The following PRDM14 variants were observed in gnomAD, a reference collection of about 807,000 sequenced individuals.
PRDM14 encodes the protein PR/SET domain 14.
PRDM14 carries 16 observed loss-of-function variants against 48.0 expected under a neutral mutation model. The observed-to-expected ratio is 0.33, with a 90% CI of 0.23 to 0.51. PRDM14 has a LOEUF of 0.51. PRDM14 is among the 20% of genes least tolerant of loss of function. PRDM14 has a pLI of 0.97. For synonymous variants in PRDM14, 264 were observed against 276.6 expected, an observed-to-expected ratio of 0.95 and a Z score of 0.45; for missense variants, 566 against 719.6, an observed-to-expected ratio of 0.79 and a Z score of 2.44.
At chr8:70,054,596 T>G (rs1585646780) in intron 7 of PRDM14, among the ~76,000 whole-genome samples, 2 of 149,758 alleles carry the variant, frequency 1.3e-5, no homozygotes, top group East Asian at 4.0e-4. Flanking sequence ...CTTGACTCAC[T>G]GCAACCTCTG....
rs1805393014 is a variant in PRDM14 at position 70,051,999 on chromosome 8, C to T, written c.*78G>A. On this transcript the variant is annotated 3_prime_UTR_variant, in exon 8 of 8. Coordinates refer to ENST00000276594, the MANE Select transcript of PRDM14 (RefSeq NM_024504.4). ...ATGTTGCCCAGGCTGGTCTCGAACTCCTGGACTTGAGTGATCCACCCACCT... is the reference window on the plus strand; with the variant it reads ...ATGTTGCCCAGGCTGGTCTCGAACTTCTGGACTTGAGTGATCCACCCACCT... The T allele has an allele frequency of 4.0e-6, 4 of 1,007,450 alleles. No individual in the cohort carries two copies. The highest frequency in any genetic ancestry group is 6.0e-6 in the Non-Finnish European group (4 of 669,982). 62.4% of individuals were successfully genotyped at this position (1,007,450 alleles called of 1,614,324 possible).
At chr8:70,053,525 G>A (rs1157388073) in intron 7 of PRDM14, among the ~76,000 whole-genome samples, 1 of 152,046 alleles carries the variant, frequency 6.6e-6, no homozygotes, top group African/African-American at 2.4e-5. Context: ...CAAGTAGCTG[G>A]AATTACAGGT....
intron 5 of PRDM14, among the ~76,000 whole-genome samples, chr8:70,061,350 ATCT>A (rs1229855424): frequency 6.6e-6 from 1 of 152,182 alleles, no homozygotes; most frequent in African/African-American, 2.4e-5. Flanking sequence ...GCAGATAGAA[ATCT>A]TCTCAGCATC....
chr8:70,066,367 C>G lies in PRDM14; in HGVS notation c.1051G>C (p.Glu351Gln). ...AVQCQGHIFY[E>Q]SCKEIHQNQE... The stretch of plus-strand genomic sequence containing the variant: ...TTCTGATGGATCTCTTTGCAGCTCT[C>G]ATAAAATATATGCCCTTGACACTGC... The change falls in exon 5 of 8, where the codon GAG becomes CAG. Residue 351 changes from glutamate to glutamine, a missense_variant. Glu to Gln is a conservative substitution (Grantham distance 29). Coordinates refer to ENST00000276594, the MANE Select transcript of PRDM14 (RefSeq NM_024504.4). 1 of 1,614,226 alleles carries G rather than the reference C, an allele frequency of 6.2e-7. No homozygotes were observed. Among genetic ancestry groups the G allele is most frequent in the Non-Finnish European group, 8.5e-7 (1 of 1,180,052 alleles).
rs2131043220 is a variant in PRDM14, at chr8:70,068,510, A to G, written c.723T>C (p.Thr241=). The change falls in exon 3 of 8, where the codon ACT becomes ACC. Residue 241 remains threonine (T), a synonymous_variant. Coordinates refer to ENST00000276594, the MANE Select transcript of PRDM14 (RefSeq NM_024504.4). The part of the protein sequence containing the change: ...DSSGSDSLPQ[T]LDKDSLQLPE... Reference sequence around the variant, plus strand: ...GAAGTTGAAGGGAGTCTTTATCCAGAGTTTGAGGAAGAGAATCAGATCCTA... The same window carrying G: ...GAAGTTGAAGGGAGTCTTTATCCAGGGTTTGAGGAAGAGAATCAGATCCTA... The G allele has an allele frequency of 6.2e-7, 1 of 1,614,128 alleles. No homozygotes were observed. Among genetic ancestry groups the G allele is most frequent in the South Asian group, 1.1e-5 (1 of 91,066 alleles).
intron 4 of PRDM14, 44 bp downstream of exon 4, chr8:70,068,186 T>A (rs766443753): frequency 2.1e-5 from 34 of 1,610,836 alleles, no homozygotes; most frequent in Non-Finnish European, 8.5e-7. Flanking sequence ...CGGACTAGTC[T>A]CCCGCCCCAT....
chr8:70,068,528 A>G lies in PRDM14; in HGVS notation c.705T>C (p.Ser235=), dbSNP rs556019916. The G allele has an allele frequency of 9.9e-6, 16 of 1,614,106 alleles. No homozygotes were observed. The Admixed American group carries it at 2.7e-4, about 27-fold the overall frequency. The change falls in exon 3 of 8, where the codon TCT becomes TCC. Residue 235 remains serine (S), a synonymous_variant. Coordinates refer to ENST00000276594, the MANE Select transcript of PRDM14 (RefSeq NM_024504.4). ...GLLVPPDSSG[S]DSLPQTLDKD... Reference sequence around the variant, plus strand: ...TATCCAGAGTTTGAGGAAGAGAATCAGATCCTAGCAAAAGGCAGGTTAAAA... The same window carrying G: ...TATCCAGAGTTTGAGGAAGAGAATCGGATCCTAGCAAAAGGCAGGTTAAAA...
Position 70,051,991 on chromosome 8 carries a change from C to A in PRDM14, c.*86G>T. ...ATTTCACCATGTTGCCCAGGCTGGT[C>A]TCGAACTCCTGGACTTGAGTGATCC... On this transcript the variant is annotated 3_prime_UTR_variant, in exon 8 of 8. Transcript: ENST00000276594. 1 of 907,012 alleles carries A rather than the reference C, an allele frequency of 1.1e-6. No homozygotes were observed. 56.2% of individuals were successfully genotyped at this position (907,012 alleles called of 1,614,324 possible). A position where few individuals can be genotyped will look rare whatever the true frequency, so the allele number is the denominator to read the frequency against.
rs761002859 is a variant in PRDM14, at chr8:70,052,077, C to A, written c.1716G>T (p.Ter572TyrextTer6). The change falls in exon 8 of 8, where the codon TAG becomes TAT. Residue 572 changes from the stop codon to tyrosine (Y), a stop_lost. Coordinates refer to ENST00000276594, the MANE Select transcript of PRDM14 (RefSeq NM_024504.4). ...YSHMKFHEDY* is the reference protein window; with the variant it reads ...YSHMKFHEDYY ...GCGTGAGTCATTGTGCCTGGCAGGGCTAGTAGTCTTCATGAAACTTCATGT... is the reference window on the plus strand; with the variant it reads ...GCGTGAGTCATTGTGCCTGGCAGGGATAGTAGTCTTCATGAAACTTCATGT... 1 of 1,595,220 alleles carries A rather than the reference C, an allele frequency of 6.3e-7. No individual in the cohort carries two copies. Among genetic ancestry groups the A allele is most frequent in the South Asian group, 1.1e-5 (1 of 88,098 alleles).
At chr8:70,062,803 T>A (rs1805608493) in intron 5 of PRDM14, among the ~76,000 whole-genome samples, 1 of 152,226 alleles carries the variant, frequency 6.6e-6, no homozygotes, top group South Asian at 2.1e-4. Context: ...TTAAATAATT[T>A]TGTGCATGAA....
intron 6 of PRDM14, among the ~76,000 whole-genome samples, chr8:70,056,731 ATTGT>A (rs896665499): frequency 4.4e-5 from 6 of 136,514 alleles, no homozygotes; most frequent in East Asian, 5.1e-4. Flanking sequence ...AGGTTGGGTG[ATTGT>A]TTGAGCGTAG....
Position 70,055,334 on chromosome 8 carries a change from C to G in PRDM14, c.1454G>C (p.Gly485Ala), listed in dbSNP as rs748367185. 2 of 1,607,696 alleles carry G rather than the reference C, an allele frequency of 1.2e-6. No individual in the cohort carries two copies. Among genetic ancestry groups the G allele is most frequent in the Non-Finnish European group, 1.7e-6 (2 of 1,174,308 alleles). The change falls in exon 7 of 8, where the codon GGA becomes GCA. Residue 485 changes from glycine (G) to alanine (A), a missense_variant. By Grantham distance (60) the Gly-to-Ala change is moderately conservative. Around this residue, in one of 3 missense-constraint regions of PRDM14, gnomAD observed 126 missense variants for 271.6 expected, o/e 0.46. Transcript: ENST00000276594. The part of the protein sequence containing the change: ...SLNKHMRVHS[G>A]DRPYQCVYCT... Reference sequence around the variant, plus strand: ...ATACACACACTGGTATGGTCTGTCTCCAGAGTGGACTCGCATGTGTTTGTT... The same window carrying G: ...ATACACACACTGGTATGGTCTGTCTGCAGAGTGGACTCGCATGTGTTTGTT...
rs758190126 is a variant in PRDM14 at position 70,055,295 on chromosome 8, T to C, written c.1488+5A>G. The C allele has an allele frequency of 2.8e-5, 44 of 1,544,006 alleles. No homozygotes were observed. The South Asian group carries it at 4.6e-4, about 16-fold the overall frequency. On this transcript the variant is annotated splice_donor_5th_base_variant and intron_variant, in intron 7 of 7. Coordinates refer to ENST00000276594, the MANE Select transcript of PRDM14 (RefSeq NM_024504.4). ...ACACATCCCTTAGTAAGAGGTTCCA[T>C]TTACCTTAGTACAATACACACACTG... is the stretch of plus-strand genomic sequence containing the variant.
chr8:70,056,236 T>A (rs577761003), intron 6 of PRDM14, among the ~76,000 whole-genome samples: 85 of 152,342 alleles, frequency 5.6e-4, no homozygotes, highest in African/African-American at 2.0e-3. Context: ...CCCTGGCAAC[T>A]CCTCTCGAAA....
intron 5 of PRDM14, among the ~76,000 whole-genome samples, chr8:70,059,079 C>CA (rs1486383398): frequency 6.6e-6 from 1 of 152,048 alleles, no homozygotes; most frequent in Non-Finnish European, 1.5e-5. Context: ...CTCAGCCTCC[C>CA]AAGTAGCTGG....
intron 4 of PRDM14, among the ~76,000 whole-genome samples, chr8:70,066,968 G>C (rs772453700): frequency 6.6e-6 from 1 of 152,244 alleles, no homozygotes; most frequent in East Asian, 1.9e-4. Flanking sequence ...GGGTTCAAGT[G>C]ATCCTCCCAC....
At chr8:70,059,479 C>T (rs188223017) in intron 5 of PRDM14, among the ~76,000 whole-genome samples, 4 of 151,742 alleles carry the variant, frequency 2.6e-5, no homozygotes, top group Admixed American at 6.6e-5. Context: ...ACCATCTTGG[C>T]CAGGACAGTC....
intron 5 of PRDM14, among the ~76,000 whole-genome samples, chr8:70,060,226 C>A (rs557210025): frequency 6.6e-6 from 1 of 151,976 alleles, no homozygotes; most frequent in African/African-American, 2.4e-5. Context: ...CATAGTAAGA[C>A]CCCATCTCTA....
At chr8:70,060,504 T>C (rs1436609587) in intron 5 of PRDM14, among the ~76,000 whole-genome samples, 3 of 152,234 alleles carry the variant, frequency 2.0e-5, no homozygotes, top group Non-Finnish European at 4.4e-5. Flanking sequence ...TATATGCACA[T>C]TTATATACAC....
Sources: gnomAD v4.1 joint callset for allele counts (sites outside exome capture counted in the v4.1 genomes callset) on GRCh38, gnomAD v4.1.1 for gene constraint, gnomAD v4.1.1 regional missense constraint, MANE v1.5 for transcripts, NCBI Gene and HGNC (gene_info 2026-07-23, HGNC 2026-07-21) for gene names.